The following CTNNA2 variants were observed in gnomAD, a reference collection of about 807,000 sequenced individuals.
The protein encoded by CTNNA2 is catenin alpha 2.
A neutral mutation model predicts 101.0 loss-of-function variants in CTNNA2; 42 were observed. The ratio of observed to expected loss-of-function variants is 0.42; its 90% CI spans 0.32 to 0.54. The LOEUF is 0.54. CTNNA2 is among the 20% of genes least tolerant of loss of function. CTNNA2 has a pLI of 0.14. For synonymous variants in CTNNA2, 450 were observed against 456.4 expected (o/e 0.99, Z 0.18); for missense variants, 871 against 1,223.1 (o/e 0.71, Z 4.29).
chr2:79,225,450 G>A (rs902860948), intron 2 of CTNNA2, among the ~76,000 whole-genome samples: 1 of 152,124 alleles, frequency 6.6e-6, no homozygotes, highest in Non-Finnish European at 1.5e-5. Context: ...ATATGCTTGA[G>A]TGTTTACTCT....
chr2:79,665,691 TA>T (rs1299499273), intron 2 of CTNNA2, among the ~76,000 whole-genome samples: 5 of 152,218 alleles, frequency 3.3e-5, no homozygotes, highest in African/African-American at 1.2e-4. Context: ...TCAGTCTTTT[TA>T]TTAGTAATTT....
intron 4 of CTNNA2, among the ~76,000 whole-genome samples, chr2:79,438,357 T>C (rs901514662): frequency 2.1e-4 from 32 of 152,036 alleles, no homozygotes; most frequent in African/African-American, 7.7e-4. Flanking sequence ...CCCTGTGAGG[T>C]TGGGTAATCT....
intron 4 of CTNNA2, among the ~76,000 whole-genome samples, chr2:79,500,487 T>C (rs1422725553): frequency 6.6e-6 from 1 of 152,326 alleles, no homozygotes; most frequent in South Asian, 2.1e-4. Flanking sequence ...TAATTGAAAT[T>C]ACACAGAATA....
Position 79,874,073 on chromosome 2 carries a change from CAGGAGCTGA to C in CTNNA2, c.588_596del (p.Glu196_Lys198del). On this transcript the variant is annotated splice_acceptor_variant and coding_sequence_variant, in exon 6 of 19. Coordinates refer to ENST00000402739, the MANE Select transcript of CTNNA2 (RefSeq NM_001282597.3). LOFTEE classifies it high-confidence loss of function. ...TGACAGCTTTCATGTGTTACACACA[CAGGAGCTGA>C]AGGATCCTCACTGTCGGGATGAGAT... 1 of 1,613,956 alleles carries C rather than the reference CAGGAGCTGA, an allele frequency of 6.2e-7. No homozygotes were observed. The highest frequency in any genetic ancestry group is 8.5e-7 in the Non-Finnish European group (1 of 1,179,936).
chr2:79,995,973 C>T (rs1692516249), intron 7 of CTNNA2, among the ~76,000 whole-genome samples: 1 of 152,230 alleles, frequency 6.6e-6, no homozygotes, highest in Middle Eastern at 3.4e-3. Context: ...CATGCCCAAC[C>T]CTCTTGGAAA....
chr2:80,181,769 C>A lies in CTNNA2; in HGVS notation c.1057-211442C>A, dbSNP rs147852938. On this transcript the variant is annotated intron_variant, in intron 7 of 18. Transcript: ENST00000402739. ...TAGAGTCACTGTATTCTTTGCCACTCACAAATGGTGAATCAGGAGTATCAA... is the reference window on the plus strand; with the variant it reads ...TAGAGTCACTGTATTCTTTGCCACTAACAAATGGTGAATCAGGAGTATCAA... 2.6e-4 allele frequency among the ~76,000 whole-genome samples: 39 copies of A among 152,332 alleles called. No homozygotes were observed. In the East Asian group the frequency reaches 7.3e-3, roughly 29 times the overall value.
In CTNNA2 at chr2:79,759,324, C is replaced by T. The variant is rs765118690; in HGVS notation, c.298+14742C>T. On this transcript the variant is annotated intron_variant, in intron 3 of 18. Coordinates refer to ENST00000402739, the MANE Select transcript of CTNNA2 (RefSeq NM_001282597.3). ...AGGAGGATTGCTTGAACCTGGGAGGCGGAGGTTGCAGTGAACCAAGATCGT... is the reference window on the plus strand; with the variant it reads ...AGGAGGATTGCTTGAACCTGGGAGGTGGAGGTTGCAGTGAACCAAGATCGT... Among the ~76,000 whole-genome samples, 7 of 152,094 alleles carry T rather than the reference C, an allele frequency of 4.6e-5. No individual in the cohort carries two copies. In the East Asian group the frequency reaches 5.8e-4, roughly 13 times the overall value.
intron 7 of CTNNA2, among the ~76,000 whole-genome samples, chr2:80,271,613 G>T (rs1186648808): frequency 6.6e-6 from 1 of 151,948 alleles, no homozygotes; most frequent in Non-Finnish European, 1.5e-5. Flanking sequence ...TAGTAGAGAC[G>T]GGGTTTCACC....
chr2:80,334,243 G>A (rs1235564443), intron 7 of CTNNA2, among the ~76,000 whole-genome samples: 2 of 152,130 alleles, frequency 1.3e-5, no homozygotes, highest in Non-Finnish European at 2.9e-5. Flanking sequence ...CATCTGTTCT[G>A]TTTAAAATTC....
intron 9 of CTNNA2, among the ~76,000 whole-genome samples, chr2:80,536,087 T>G (rs1022349125): frequency 2.0e-5 from 3 of 152,170 alleles, no homozygotes; most frequent in Non-Finnish European, 4.4e-5. Flanking sequence ...GTTATTGAAT[T>G]GTGAAACTCC....
At chr2:79,879,612 C>G (rs1431618743) in intron 6 of CTNNA2, among the ~76,000 whole-genome samples, 1 of 151,994 alleles carries the variant, frequency 6.6e-6, no homozygotes, top group East Asian at 1.9e-4. Context: ...TGATTTGGCT[C>G]TCTGCTTGTC....
At chr2:80,193,398 A>T (rs1356954389) in intron 7 of CTNNA2, among the ~76,000 whole-genome samples, 1 of 152,204 alleles carries the variant, frequency 6.6e-6, no homozygotes, top group Non-Finnish European at 1.5e-5. Flanking sequence ...GTGGGAAGTC[A>T]TTGACGATAA....
chr2:80,566,528 C>T (rs1694077447), intron 12 of CTNNA2, among the ~76,000 whole-genome samples: 2 of 152,244 alleles, frequency 1.3e-5, no homozygotes, highest in South Asian at 4.1e-4. Flanking sequence ...ACAAATCCCA[C>T]AACATGGACT....
chr2:80,543,949 T>G (rs1048798468), intron 9 of CTNNA2, among the ~76,000 whole-genome samples: 1 of 152,130 alleles, frequency 6.6e-6, no homozygotes, highest in Non-Finnish European at 1.5e-5. Flanking sequence ...ACTTTTCATA[T>G]CCCCATTCTT....
At chr2:79,284,548 A>G (rs919153320) in intron 2 of CTNNA2, among the ~76,000 whole-genome samples, 2 of 151,542 alleles carry the variant, frequency 1.3e-5, no homozygotes, top group Non-Finnish European at 2.9e-5. Context: ...CTCTGTTTAT[A>G]TGCTGGATTA....
chr2:79,236,413 A>G (rs1674558268), intron 2 of CTNNA2, among the ~76,000 whole-genome samples: 1 of 152,180 alleles, frequency 6.6e-6, no homozygotes, highest in Admixed American at 6.5e-5. Context: ...GATTACACAC[A>G]TGAACCACTG....
At chr2:80,512,949 T>C (rs1456497347) in intron 9 of CTNNA2, among the ~76,000 whole-genome samples, 1 of 152,186 alleles carries the variant, frequency 6.6e-6, no homozygotes, top group African/African-American at 2.4e-5. Flanking sequence ...GAAATATCTA[T>C]GCTACAACTG....
intron 4 of CTNNA2, among the ~76,000 whole-genome samples, chr2:79,391,948 A>G (rs558630555): frequency 6.6e-6 from 1 of 152,032 alleles, no homozygotes; most frequent in African/African-American, 2.4e-5. Flanking sequence ...ACACATAATC[A>G]TTCCTCTGTG....
At chr2:80,090,069 T>A (rs781631369) in intron 7 of CTNNA2, among the ~76,000 whole-genome samples, 6 of 151,914 alleles carry the variant, frequency 3.9e-5, no homozygotes, top group Non-Finnish European at 8.8e-5. Flanking sequence ...GTCTGTCAAA[T>A]TATAACTTAG....
Sources: allele counts gnomAD v4.1 joint callset (sites outside exome capture counted in the v4.1 genomes callset), GRCh38; gene constraint gnomAD v4.1.1; transcripts MANE v1.5; gene names NCBI Gene and HGNC (gene_info 2026-07-23, HGNC 2026-07-21).